ACOX1: variants seen among roughly 807,000 people sequenced by gnomAD.
The protein encoded by ACOX1 is peroxisomal acyl-coenzyme A oxidase 1.
ACOX1 carries 41 observed loss-of-function variants against 75.5 expected under a neutral mutation model. The observed-to-expected ratio is 0.54, with a 90% confidence interval of 0.42 to 0.70. The LOEUF (loss-of-function observed/expected upper bound fraction) is 0.70. ACOX1 is among the 30% of genes least tolerant of loss of function. ACOX1 has a pLI of 0.00. For synonymous variants in ACOX1, 303 were observed against 298.8 expected, an observed-to-expected ratio of 1.01 and a Z score of -0.15; for missense variants, 630 against 837.5, an observed-to-expected ratio of 0.75 and a Z score of 3.06.
chr17:75,956,913 CTCTCT>C lies in ACOX1; in HGVS notation c.538+541_538+545del, dbSNP rs1567877659. On this transcript the variant is annotated intron_variant, in intron 4 of 13. Coordinates refer to ENST00000293217, the MANE Select transcript of ACOX1 (RefSeq NM_004035.7). ...ATGTGCCGCTATGCCTGGCTTTCCTCTCTCTCTCTCTCTCTCTCTCTCTCTCTCTC... is the reference window on the plus strand; with the variant it reads ...ATGTGCCGCTATGCCTGGCTTTCCTCCTCTCTCTCTCTCTCTCTCTCTCTC... 1.9e-3 allele frequency among the ~76,000 whole-genome samples: 81 copies of C among 42,924 alleles called. 18 individuals carry two copies. The highest frequency in any genetic ancestry group is 2.6e-3 in the East Asian group (3 of 1,140). The allele number at this position is 42,924 out of a possible 152,430, so 28.2% of individuals were successfully genotyped here. A position where few individuals can be genotyped will look rare whatever the true frequency, so the allele number is the denominator to read the frequency against.
intron 9 of ACOX1, 64 bp from the exon 10 acceptor site, chr17:75,949,961 G>A: frequency 6.3e-7 from 1 of 1,579,386 alleles, no homozygotes; most frequent in Non-Finnish European, 8.7e-7. Flanking sequence ...TTGAGATGGA[G>A]TTTCATTCTT....
intron 2 of ACOX1, among the ~76,000 whole-genome samples, chr17:75,968,328 T>G (rs1172673849): frequency 7.1e-6 from 1 of 140,828 alleles, no homozygotes; most frequent in Non-Finnish European, 1.5e-5. Flanking sequence ...CCCAGCTACT[T>G]GGGAGGCTGA....
chr17:75,959,668 C>T (rs957636865), intron 3 of ACOX1, among the ~76,000 whole-genome samples: 4 of 152,130 alleles, frequency 2.6e-5, no homozygotes, highest in African/African-American at 4.8e-5. Context: ...CCTGCAAGTT[C>T]GGCTTATCTT....
rs540115931 is a variant in ACOX1, at chr17:75,949,584, C to T, written c.1495G>A (p.Ala499Thr). Residue 499 changes from alanine to threonine, a missense_variant, in exon 11 of 14, where the codon GCA (alanine) becomes ACA (threonine). Coordinates refer to ENST00000293217, the MANE Select transcript of ACOX1 (RefSeq NM_004035.7). ...LRAARLVEIA[A>T]KNLQKEVIHR... ...ATCACTTCTTTTTGAAGGTTTTTTGCAGCAATTTCTACTAATCTGTTAAGA... is the reference window on the plus strand; with the variant it reads ...ATCACTTCTTTTTGAAGGTTTTTTGTAGCAATTTCTACTAATCTGTTAAGA... 7 of 1,613,976 alleles carry T rather than the reference C, an allele frequency of 4.3e-6. No individual in the cohort carries two copies. Among genetic ancestry groups the T allele is most frequent in the African/African-American group, 1.3e-5 (1 of 74,916 alleles).
Position 75,978,787 on chromosome 17 carries a change from A to G in ACOX1, c.110-94T>C. ...CACAATAGGCTTCAGAGTCGCGGAC[A>G]CACCTGGGGAATGGCGATATCCCCC... On this transcript the variant is annotated intron_variant, in intron 1 of 13. Transcript: ENST00000293217. This position sits in a 1 kb window ranked among gnomAD's most constrained non-coding sequence, Gnocchi z 4.2. 1.9e-6 allele frequency: 3 copies of G among 1,608,084 alleles called. No homozygotes were observed. The East Asian group carries it at 6.7e-5, about 36-fold the overall frequency.
At chr17:75,958,633 C>T (rs537004520) in intron 3 of ACOX1, among the ~76,000 whole-genome samples, 4 of 151,728 alleles carry the variant, frequency 2.6e-5, no homozygotes, top group African/African-American at 9.7e-5. Flanking sequence ...ACGGCGAAAC[C>T]CCGTCTCTAC....
At chr17:75,977,720 G>A (rs910372133) in intron 2 of ACOX1, among the ~76,000 whole-genome samples, 2 of 152,068 alleles carry the variant, frequency 1.3e-5, no homozygotes, top group Middle Eastern at 3.2e-3. Flanking sequence ...CAGAACTACT[G>A]GGTTCTTAGA....
At chr17:75,963,498 G>A (rs1000250199) in intron 2 of ACOX1, among the ~76,000 whole-genome samples, 2 of 151,624 alleles carry the variant, frequency 1.3e-5, no homozygotes, top group African/African-American at 4.8e-5. Flanking sequence ...TCAGGAGATC[G>A]AGACCATCCT....
At chr17:75,949,135 C>T (rs1042615378) in intron 12 of ACOX1, 82 bp downstream of exon 12, 1 of 1,540,074 alleles carries the variant, frequency 6.5e-7, no homozygotes, top group Middle Eastern at 1.9e-4. Context: ...GCTGGGATTA[C>T]AGGCATGAGC....
chr17:75,978,369 A>G lies in ACOX1; in HGVS notation c.269+165T>C. 2.4e-6 allele frequency: 2 copies of G among 833,912 alleles called. No homozygotes were observed. The highest frequency in any genetic ancestry group is 1.9e-6 in the Non-Finnish European group (1 of 524,360). The allele number at this position is 833,912 out of a possible 1,614,324, so 51.7% of individuals were successfully genotyped here. A position where few individuals can be genotyped will look rare whatever the true frequency, so the allele number is the denominator to read the frequency against. On this transcript the variant is annotated intron_variant, in intron 2 of 13. Coordinates refer to ENST00000293217, the MANE Select transcript of ACOX1 (RefSeq NM_004035.7). This position sits in a 1 kb window ranked among gnomAD's most constrained non-coding sequence, Gnocchi z 4.2. ...CGGCCTCCCAAAGTGCTGGGATTAC[A>G]GGCGTGAGCCACCGCGCCCGGCCAC...
chr17:75,958,569 G>A (rs1743488583), intron 3 of ACOX1, among the ~76,000 whole-genome samples: 1 of 151,272 alleles, frequency 6.6e-6, no homozygotes. Context: ...AGCACTTTGG[G>A]GGGCCAAGGC....
At chr17:75,953,777 G>C in intron 6 of ACOX1, among the ~76,000 whole-genome samples, 157 bp from the exon 7 acceptor site, 1 of 152,252 alleles carries the variant, frequency 6.6e-6, no homozygotes, top group Non-Finnish European at 1.5e-5. Context: ...AACTGAATCA[G>C]AAACTCCAGG....
intron 2 of ACOX1, among the ~76,000 whole-genome samples, chr17:75,966,913 T>A (rs557921533): frequency 6.6e-6 from 1 of 152,118 alleles, no homozygotes; most frequent in African/African-American, 2.4e-5. Flanking sequence ...TTTAACCTAT[T>A]ATAAAACTCT....
intron 2 of ACOX1, chr17:75,973,450 C>A: frequency 1.4e-6 from 1 of 701,280 alleles, no homozygotes; most frequent in Non-Finnish European, 2.5e-6. Flanking sequence ...TAGGCCAGAG[C>A]CCTGGACCAG....
chr17:75,948,857 TTTTTC>T lies in ACOX1; in HGVS notation c.1728+355_1728+359del, dbSNP rs1359981397. 2.6e-5 allele frequency among the ~76,000 whole-genome samples: 3 copies of T among 115,712 alleles called. No individual in the cohort carries two copies. In the East Asian group the frequency reaches 6.8e-4, roughly 26 times the overall value. The allele number at this position is 115,712 out of a possible 152,430, so 75.9% of individuals were successfully genotyped here. The stretch of plus-strand genomic sequence containing the variant: ...GAGCCACTGTGCCTGGCTATTTTTC[TTTTTC>T]TTTTTTTTTTTTTTTGAGACAGAGT... On this transcript the variant is annotated intron_variant, in intron 12 of 13. Transcript: ENST00000293217.
intron 4 of ACOX1, 150 bp downstream of exon 4, chr17:75,957,309 G>C (rs2065842580): frequency 2.8e-6 from 2 of 721,804 alleles, no homozygotes; most frequent in East Asian, 5.5e-5. Context: ...TTGAATTCCT[G>C]ACCTCAAGTG....
rs1285686967 is a variant in ACOX1, at chr17:75,962,229, A to C, written c.270-1854T>G. Among the ~76,000 whole-genome samples the C allele has an allele frequency of 3.9e-5, 6 of 152,190 alleles. No individual in the cohort carries two copies. In the East Asian group the frequency reaches 1.2e-3, roughly 29 times the overall value. On this transcript the variant is annotated intron_variant, in intron 2 of 13. Coordinates refer to ENST00000293217, the MANE Select transcript of ACOX1 (RefSeq NM_004035.7). Reference sequence around the variant, plus strand: ...ACATGCAATTTCTAGTGAAGACCATAATAACGACAAGTTACAGATTCATGC... The same window carrying C: ...ACATGCAATTTCTAGTGAAGACCATCATAACGACAAGTTACAGATTCATGC...
rs995097830 is a variant in ACOX1, at chr17:75,945,432, GGATA to G, written c.*1312_*1315del. 2.0e-5 allele frequency: 3 copies of G among 152,008 alleles called. No individual in the cohort carries two copies. Among genetic ancestry groups the G allele is most frequent in the African/African-American group, 7.3e-5 (3 of 41,348 alleles). 9.4% of individuals were successfully genotyped at this position (152,008 alleles called of 1,614,324 possible). ...TAAGTCTCATATTACCAGTTCCCCAGGATAGATAGATATTATGTCAGGTCCCAAG... is the reference window on the plus strand; with the variant it reads ...TAAGTCTCATATTACCAGTTCCCCAGGATAGATATTATGTCAGGTCCCAAG... On this transcript the variant is annotated 3_prime_UTR_variant, in exon 14 of 14. Transcript: ENST00000293217.
At chr17:75,955,171 C>T (rs2065812395) in intron 6 of ACOX1, among the ~76,000 whole-genome samples, 2 of 146,088 alleles carry the variant, frequency 1.4e-5, no homozygotes, top group South Asian at 2.1e-4. Context: ...GCCCAGCCTC[C>T]TTTTTTTTTT....
Sources: allele counts gnomAD v4.1 joint callset (sites outside exome capture counted in the v4.1 genomes callset), GRCh38; gene constraint gnomAD v4.1.1; non-coding constraint Gnocchi (gnomAD v3.1); transcripts MANE v1.5; gene names NCBI Gene and HGNC (gene_info 2026-07-23, HGNC 2026-07-21).